NRXN3: variants seen among roughly 807,000 people sequenced by gnomAD.
NRXN3 encodes the protein neurexin 3.
Under a neutral mutation model 137.6 loss-of-function variants are expected in NRXN3, and 32 were observed. That is an observed-to-expected ratio of 0.23 (90% confidence interval 0.18 to 0.31). The LOEUF is 0.31. Ranked by LOEUF, NRXN3 falls within the 10% of genes least tolerant of loss-of-function variation. The pLI, the probability that NRXN3 is intolerant of heterozygous loss-of-function variation, is 1.00. For missense variants in NRXN3, 1,574 were observed against 2,062.5 expected, an observed-to-expected ratio of 0.76 and a Z score of 4.59; for synonymous variants, 798 against 784.5, an observed-to-expected ratio of 1.02 and a Z score of -0.29.
intron 16 of NRXN3, among the ~76,000 whole-genome samples, chr14:79,594,176 G>C (rs1430806199): frequency 6.6e-6 from 1 of 152,180 alleles, no homozygotes; most frequent in South Asian, 2.1e-4. Flanking sequence ...TTCTAAGCAT[G>C]AAAGTTTTAG....
At chr14:79,588,086 G>A (rs1176903519) in intron 16 of NRXN3, among the ~76,000 whole-genome samples, 1 of 152,118 alleles carries the variant, frequency 6.6e-6, no homozygotes, top group Non-Finnish European at 1.5e-5. Context: ...ATGTGTCAAG[G>A]TGTCAATTCT....
chr14:79,505,993 T>A (rs150863622), intron 16 of NRXN3, among the ~76,000 whole-genome samples: 1,563 of 152,302 alleles, frequency 0.01, 27 homozygotes, highest in African/African-American at 0.036. Flanking sequence ...CCAAGCTAGC[T>A]CAGGTTGTTG....
In NRXN3 at chr14:79,861,859, C is replaced by T; in HGVS notation, c.4611C>T (p.Ile1537=). ...SYQVDETRNY[I]SNSAQSNGTL... ...AAGTGGACGAGACGCGGAACTACAT[C>T]AGCAACTCCGCCCAGAGCAACGGCA... is the stretch of plus-strand genomic sequence containing the variant. The change falls in exon 21 of 21, where the codon ATC becomes ATT. Residue 1537 remains isoleucine, a synonymous_variant. Coordinates refer to ENST00000335750, the MANE Select transcript of NRXN3 (RefSeq NM_001330195.2). This position sits in a 1 kb window ranked among gnomAD's most constrained non-coding sequence, Gnocchi z 5.4. The T allele has an allele frequency of 3.7e-6, 6 of 1,614,094 alleles. No individual in the cohort carries two copies. Among genetic ancestry groups the T allele is most frequent in the South Asian group, 1.1e-5 (1 of 91,076 alleles).
At chr14:78,663,077 T>A (rs1356104325) in intron 6 of NRXN3, among the ~76,000 whole-genome samples, 2 of 152,234 alleles carry the variant, frequency 1.3e-5, no homozygotes, top group African/African-American at 4.8e-5. Context: ...TGATCATTAC[T>A]AACTTGAATT....
At chr14:78,657,098 C>T (rs978282360) in intron 6 of NRXN3, among the ~76,000 whole-genome samples, 7 of 148,490 alleles carry the variant, frequency 4.7e-5, no homozygotes, top group African/African-American at 1.0e-4. Context: ...CCCTGAGCTT[C>T]GGCATTAGAT....
At chr14:78,421,771 C>A (rs1221515307) in intron 4 of NRXN3, among the ~76,000 whole-genome samples, 1 of 152,100 alleles carries the variant, frequency 6.6e-6, no homozygotes, top group Admixed American at 6.5e-5. Flanking sequence ...GCGATCTGCC[C>A]TCTCAGCCTA....
intron 10 of NRXN3, among the ~76,000 whole-genome samples, chr14:78,856,808 T>A (rs31382): frequency 0.28 from 42,519 of 152,042 alleles, 9,867 homozygotes; most frequent in African/African-American, 0.63. Context: ...ATCTTGGCTT[T>A]CTGCAACCTC....
intron 4 of NRXN3, among the ~76,000 whole-genome samples, chr14:78,357,839 G>T (rs1187237648): frequency 6.6e-6 from 1 of 152,144 alleles, no homozygotes; most frequent in Non-Finnish European, 1.5e-5. Flanking sequence ...TTTGTCAATT[G>T]TATGTTAACA....
Position 79,333,596 on chromosome 14 carries a change from T to A in NRXN3, c.3263-133625T>A, listed in dbSNP as rs531687305. ...CCTTAGGCAATAGTTTATGGCCTAA[T>A]AAGAGTTAAGGATGGGAGCAAGGAG... is the stretch of plus-strand genomic sequence containing the variant. On this transcript the variant is annotated intron_variant, in intron 15 of 20. Coordinates refer to ENST00000335750, the MANE Select transcript of NRXN3 (RefSeq NM_001330195.2). 7.2e-5 allele frequency among the ~76,000 whole-genome samples: 11 copies of A among 152,264 alleles called. No individual in the cohort carries two copies. In the East Asian group the frequency reaches 1.9e-3, roughly 27 times the overall value.
At chr14:78,681,823 A>G (rs754228626) in intron 6 of NRXN3, among the ~76,000 whole-genome samples, 1 of 152,040 alleles carries the variant, frequency 6.6e-6, no homozygotes, top group Non-Finnish European at 1.5e-5. Context: ...AGATCAAGAA[A>G]GCTCTTTTCC....
At chr14:79,569,307 A>T (rs1423462850) in intron 16 of NRXN3, among the ~76,000 whole-genome samples, 2 of 152,096 alleles carry the variant, frequency 1.3e-5, no homozygotes, top group African/African-American at 4.8e-5. Context: ...GAGAACAAAA[A>T]CACATCTATG....
At chr14:78,500,013 G>A (rs1026106726) in intron 4 of NRXN3, among the ~76,000 whole-genome samples, 9 of 152,254 alleles carry the variant, frequency 5.9e-5, no homozygotes, top group Middle Eastern at 3.4e-3. Context: ...CTAAAGGAAG[G>A]GATTATGTAA....
At chr14:79,279,163 C>A (rs1433043991) in intron 15 of NRXN3, among the ~76,000 whole-genome samples, 1 of 152,044 alleles carries the variant, frequency 6.6e-6, no homozygotes, top group East Asian at 1.9e-4. Flanking sequence ...GCCGCGCGAG[C>A]GAGAGGAGGG....
At chr14:79,819,486 T>TTC (rs2099263976) in intron 20 of NRXN3, among the ~76,000 whole-genome samples, 1 of 132,612 alleles carries the variant, frequency 7.5e-6, no homozygotes. Flanking sequence ...TAAAAGCTTT[T>TTC]TTTTTTTTTT....
At chr14:78,597,860 G>A (rs1168788750) in intron 4 of NRXN3, among the ~76,000 whole-genome samples, 1 of 152,170 alleles carries the variant, frequency 6.6e-6, no homozygotes, top group Admixed American at 6.5e-5. Flanking sequence ...GAAGATGCAC[G>A]TGATGACCAC....
intron 19 of NRXN3, among the ~76,000 whole-genome samples, chr14:79,730,976 C>G (rs912803464): frequency 6.6e-6 from 1 of 152,152 alleles, no homozygotes; most frequent in African/African-American, 2.4e-5. Context: ...TGTGCCTACC[C>G]AATCGTTCTA....
chr14:79,130,453 G>A (rs1307978471), intron 15 of NRXN3, among the ~76,000 whole-genome samples: 1 of 151,902 alleles, frequency 6.6e-6, no homozygotes, highest in Admixed American at 6.5e-5. Flanking sequence ...AGTTTGGCTG[G>A]ATATGAAATT....
intron 4 of NRXN3, among the ~76,000 whole-genome samples, chr14:78,570,201 T>C (rs533270333): frequency 3.9e-5 from 6 of 152,292 alleles, no homozygotes; most frequent in African/African-American, 1.4e-4. Context: ...GTCCTTAGAA[T>C]GAAATCCATG....
chr14:78,403,886 T>C (rs2092296133), intron 4 of NRXN3: 2 of 985,396 alleles, frequency 2.0e-6, no homozygotes, highest in Non-Finnish European at 2.4e-6. Context: ...CAGGTAAGTC[T>C]TTCGGCTCAC....
Sources: allele counts gnomAD v4.1 joint callset (sites outside exome capture counted in the v4.1 genomes callset), GRCh38; gene constraint gnomAD v4.1.1; non-coding constraint Gnocchi (gnomAD v3.1); transcripts MANE v1.5; gene names NCBI Gene and HGNC (gene_info 2026-07-23, HGNC 2026-07-21).